The following CARMIL2 variants were observed in gnomAD, a reference collection of about 807,000 sequenced individuals.
CARMIL2 encodes the protein capping protein, Arp2/3 and myosin-I linker protein 2.
CARMIL2 carries 96 observed loss-of-function variants against 173.3 expected under a neutral mutation model. That is an observed-to-expected ratio of 0.55 (90% CI 0.47 to 0.66). The LOEUF is 0.66. Ranked by LOEUF, CARMIL2 falls within the 30% of genes least tolerant of loss-of-function variation. CARMIL2 has a pLI of 0.00. For synonymous variants in CARMIL2, 830 were observed against 817.1 expected (o/e 1.02, Z -0.27); for missense variants, 1,771 against 1,906.7 (o/e 0.93, Z 1.33).
Position 67,654,364 on chromosome 16 carries a change from G to A in CARMIL2, c.3254G>A (p.Gly1085Glu), listed in dbSNP as rs367703670. 56 of 1,602,954 alleles carry A rather than the reference G, an allele frequency of 3.5e-5. No individual in the cohort carries two copies. The African/African-American group carries it at 6.1e-4, about 18-fold the overall frequency. Residue 1085 changes from glycine to glutamate, a missense_variant, in exon 31 of 38, where the codon GGG (glycine) becomes GAG (glutamate). By Grantham distance (98) the Gly-to-Glu change is moderately conservative. Transcript: ENST00000334583. ...CCCGAGGAGGACCCGGCCACTGAGGGGGGCGCCACTCCTGTCCCCCGTACA... is the reference window on the plus strand; with the variant it reads ...CCCGAGGAGGACCCGGCCACTGAGGAGGGCGCCACTCCTGTCCCCCGTACA... ...WAPEEDPATE[G>E]GATPVPRTLR... is the part of the protein sequence containing the mutation.
Position 67,648,768 on chromosome 16 carries a change from C to G in CARMIL2, c.1509+14C>G. 6.3e-7 allele frequency: 1 copy of G among 1,595,386 alleles called. No individual in the cohort carries two copies. Among genetic ancestry groups the G allele is most frequent in the South Asian group, 1.1e-5 (1 of 88,146 alleles). ...AGCGCTTGCGAGGTGAGCGCCGGCC[C>G]CCAGAAGAGACCACACATTGGGAGA... On this transcript the variant is annotated intron_variant, in intron 16 of 37. Coordinates refer to ENST00000334583, the MANE Select transcript of CARMIL2 (RefSeq NM_001013838.3). This position sits in a 1 kb window ranked among gnomAD's most constrained non-coding sequence, Gnocchi z 6.1.
Position 67,646,789 on chromosome 16 carries a change from G to A in CARMIL2, c.537+5G>A, listed in dbSNP as rs201107906. 6.2e-7 allele frequency: 1 copy of A among 1,613,966 alleles called. No individual in the cohort carries two copies. Among genetic ancestry groups the A allele is most frequent in the Non-Finnish European group, 8.5e-7 (1 of 1,179,862 alleles). ...TTCCGAGAGGAGATTCAGTGGGTGA[G>A]GGTAGGGCCCTTTTGAAGGGCTCTG... On this transcript the variant is annotated splice_donor_5th_base_variant and intron_variant, in intron 7 of 37. Transcript: ENST00000334583. This position sits in a 1 kb window ranked among gnomAD's most constrained non-coding sequence, Gnocchi z 4.6.
At chr16:67,650,575 C>G (rs952218187) in intron 22 of CARMIL2, 1 of 207,502 alleles carries the variant, frequency 4.8e-6, no homozygotes, top group Admixed American at 5.4e-5. Context: ...CTCTTCTTTC[C>G]TAAGCTTCAG....
intron 32 of CARMIL2, 90 bp from the exon 33 acceptor site, chr16:67,655,941 C>A: frequency 2.0e-6 from 3 of 1,476,142 alleles, no homozygotes; most frequent in South Asian, 1.3e-5. Flanking sequence ...GGTGGGCATT[C>A]AGTGGCAGGA....
In CARMIL2 at chr16:67,649,639, T is replaced by A. The variant is rs2052679064; in HGVS notation, c.1919+20T>A. On this transcript the variant is annotated intron_variant, in intron 20 of 37. Transcript: ENST00000334583. The surrounding 1 kb of genome is among the most constrained non-coding windows in gnomAD (Gnocchi z 6.7). ...GCTCCGGTGGGCGGGGTCAGAGGGG[T>A]GGGACCAGCGGGCAGGGGGCGCGGT... The A allele has an allele frequency of 6.8e-7, 1 of 1,473,894 alleles. No homozygotes were observed. The highest frequency in any genetic ancestry group is 1.2e-5 in the South Asian group (1 of 85,438). The allele number at this position is 1,473,894 out of a possible 1,614,324, so 91.3% of individuals were successfully genotyped here. A position where few individuals can be genotyped will look rare whatever the true frequency, so the allele number is the denominator to read the frequency against.
chr16:67,653,769 C>T lies in CARMIL2; in HGVS notation c.3121-380C>T, dbSNP rs1180381868. 6.6e-6 allele frequency among the ~76,000 whole-genome samples: 1 copy of T among 151,392 alleles called. No individual in the cohort carries two copies. Among genetic ancestry groups the T allele is most frequent in the African/African-American group, 2.4e-5 (1 of 41,206 alleles). On this transcript the variant is annotated intron_variant, in intron 29 of 37. Transcript: ENST00000334583. This position sits in a 1 kb window ranked among gnomAD's most constrained non-coding sequence, Gnocchi z 7.4. Reference sequence around the variant, plus strand: ...CCGGCGCCACTGAGCCGGCAGCAGGCCGGGTGGAGTGGGGGTGGGGTGGGG... The same window carrying T: ...CCGGCGCCACTGAGCCGGCAGCAGGTCGGGTGGAGTGGGGGTGGGGTGGGG...
chr16:67,650,381 A>G (rs553014865), intron 22 of CARMIL2: 5 of 572,626 alleles, frequency 8.7e-6, no homozygotes, highest in South Asian at 8.6e-5. Context: ...CTGTCCTGTT[A>G]GAGAGGAATT....
Position 67,656,995 on chromosome 16 carries a change from C to T in CARMIL2, c.4117+114C>T, listed in dbSNP as rs539274411. On this transcript the variant is annotated intron_variant, in intron 36 of 37. Coordinates refer to ENST00000334583, the MANE Select transcript of CARMIL2 (RefSeq NM_001013838.3). ...AGGGAGCCACCAGTGTGTGAGGTCT[C>T]AAGAAATCAGGGAGCCAGAAGACCA... 6.6e-5 allele frequency: 60 copies of T among 911,516 alleles called. 1 individual carries two copies. In the South Asian group the frequency reaches 8.2e-4, roughly 12 times the overall value. 56.5% of individuals were successfully genotyped at this position (911,516 alleles called of 1,614,324 possible).
In CARMIL2 at chr16:67,648,820, C is replaced by G. The variant is rs1424710314; in HGVS notation, c.1509+66C>G. ...GCGCTGGGAGGCGGAAGGGCAGGGCCGTGGGCCGCCTGCCCCTCCCCACTC... is the reference window on the plus strand; with the variant it reads ...GCGCTGGGAGGCGGAAGGGCAGGGCGGTGGGCCGCCTGCCCCTCCCCACTC... On this transcript the variant is annotated intron_variant, in intron 16 of 37. Coordinates refer to ENST00000334583, the MANE Select transcript of CARMIL2 (RefSeq NM_001013838.3). The surrounding 1 kb of genome is among the most constrained non-coding windows in gnomAD (Gnocchi z 6.1). The G allele has an allele frequency of 3.8e-6, 6 of 1,562,596 alleles. No homozygotes were observed. The highest frequency in any genetic ancestry group is 5.2e-6 in the Non-Finnish European group (6 of 1,152,576).
intron 2 of CARMIL2, 39 bp from the exon 3 acceptor site, chr16:67,645,685 C>T (rs1395793208): frequency 6.2e-7 from 1 of 1,613,192 alleles, no homozygotes; most frequent in Non-Finnish European, 8.5e-7. Flanking sequence ...CAGAAAGAGC[C>T]TCTTGCTCTG....
rs1022566754 is a variant in CARMIL2 at position 67,653,979 on chromosome 16, G to A, written c.3121-170G>A. On this transcript the variant is annotated intron_variant, in intron 29 of 37. Coordinates refer to ENST00000334583, the MANE Select transcript of CARMIL2 (RefSeq NM_001013838.3). This position sits in a 1 kb window ranked among gnomAD's most constrained non-coding sequence, Gnocchi z 7.4. ...AGCGAGTGAGGAGTGCGTGAAATCT[G>A]GAGTCTCTGTCCAGCAGCAGGACAG... 5.3e-5 allele frequency among the ~76,000 whole-genome samples: 8 copies of A among 151,858 alleles called. No homozygotes were observed. The highest frequency in any genetic ancestry group is 2.0e-4 in the Admixed American group (3 of 15,232).
Position 67,657,186 on chromosome 16 carries a change from TG to T in CARMIL2, c.4118-51del. 6.6e-7 allele frequency: 1 copy of T among 1,521,134 alleles called. No homozygotes were observed. Among genetic ancestry groups the T allele is most frequent in the Non-Finnish European group, 9.1e-7 (1 of 1,103,476 alleles). The allele number at this position is 1,521,134 out of a possible 1,614,324, so 94.2% of individuals were successfully genotyped here. Reference sequence around the variant, plus strand: ...GGAGGTGGAAGAGAGGGGCAGGGGATGGACAGACCCCAAGCCTTAGCAACCC... The same window carrying T: ...GGAGGTGGAAGAGAGGGGCAGGGGATGACAGACCCCAAGCCTTAGCAACCC... On this transcript the variant is annotated intron_variant, in intron 36 of 37. Coordinates refer to ENST00000334583, the MANE Select transcript of CARMIL2 (RefSeq NM_001013838.3). This position sits in a 1 kb window ranked among gnomAD's most constrained non-coding sequence, Gnocchi z 4.5.
chr16:67,655,960 A>G (rs2052840455), intron 32 of CARMIL2, 71 bp from the exon 33 acceptor site: 1 of 1,535,274 alleles, frequency 6.5e-7, no homozygotes, highest in East Asian at 2.4e-5. Flanking sequence ...GATTATAAGA[A>G]CAAGAACGAA....
chr16:67,648,330 C>T lies in CARMIL2; in HGVS notation c.1334+16C>T, dbSNP rs114164232. 3,610 of 1,577,110 alleles carry T rather than the reference C, an allele frequency of 2.3e-3. 71 individuals are homozygous for T. The African/African-American group carries it at 0.043, about 19-fold the overall frequency. On this transcript the variant is annotated intron_variant, in intron 14 of 37. Transcript: ENST00000334583. This position sits in a 1 kb window ranked among gnomAD's most constrained non-coding sequence, Gnocchi z 6.1. ...TCTCCCGCACGTAAGGGGGACCTGT[C>T]GGGGCCGGGGGAGGCTGCTGGAAGC...
rs748239362 is a variant in CARMIL2, at chr16:67,652,345, T to A, written c.2817+6T>A. ...AGGAAGAGGAGAAGGAGAAGGTAAG[T>A]GGTTTTAGAACACGGGGCATGGCAC... On this transcript the variant is annotated splice_donor_region_variant and intron_variant, in intron 27 of 37. Transcript: ENST00000334583. This position sits in a 1 kb window ranked among gnomAD's most constrained non-coding sequence, Gnocchi z 4.7. 6.2e-7 allele frequency: 1 copy of A among 1,613,168 alleles called. No homozygotes were observed. The highest frequency in any genetic ancestry group is 8.5e-7 in the Non-Finnish European group (1 of 1,179,770).
chr16:67,655,257 C>A (rs1241551717), intron 32 of CARMIL2, among the ~76,000 whole-genome samples: 2 of 152,150 alleles, frequency 1.3e-5, no homozygotes, highest in Non-Finnish European at 2.9e-5. Context: ...CATGGTGAAA[C>A]CCTGTCTCTA....
intron 30 of CARMIL2, 25 bp downstream of exon 30, chr16:67,654,274 G>C: frequency 6.4e-7 from 1 of 1,572,054 alleles, no homozygotes. Context: ...TCTGCTGGGG[G>C]TGGGAGAGGG....
chr16:67,657,480 C>T lies in CARMIL2; in HGVS notation c.4270C>T (p.Pro1424Ser). ...CAGCCCTGAGCGGAGCCCACCCTCCCCAGCCACAGACCAAAGAGGCGGCGG... is the reference window on the plus strand; with the variant it reads ...CAGCCCTGAGCGGAGCCCACCCTCCTCAGCCACAGACCAAAGAGGCGGCGG... Reference protein sequence around the residue: ...PSSPERSPPSPATDQRGGGPN... With the variant: ...PSSPERSPPSSATDQRGGGPN... The change falls in exon 38 of 38, where the codon CCA (proline) becomes TCA (serine). Residue 1424 changes from proline to serine, a missense_variant. Transcript: ENST00000334583. This position sits in a 1 kb window ranked among gnomAD's most constrained non-coding sequence, Gnocchi z 4.5. 1 of 1,612,564 alleles carries T rather than the reference C, an allele frequency of 6.2e-7. No individual in the cohort carries two copies. Among genetic ancestry groups the T allele is most frequent in the Non-Finnish European group, 8.5e-7 (1 of 1,179,318 alleles).
At chr16:67,650,380 T>C in intron 22 of CARMIL2, 1 of 571,182 alleles carries the variant, frequency 1.8e-6, no homozygotes, top group South Asian at 2.2e-5. Flanking sequence ...GCTGTCCTGT[T>C]AGAGAGGAAT....
Sources: gnomAD v4.1 joint callset for allele counts (sites outside exome capture counted in the v4.1 genomes callset) on GRCh38, gnomAD v4.1.1 for gene constraint, Gnocchi (gnomAD v3.1) non-coding constraint, MANE v1.5 for transcripts, NCBI Gene and HGNC (gene_info 2026-07-23, HGNC 2026-07-21) for gene names.